TSPAN12: variants seen among roughly 807,000 people sequenced by gnomAD.
The protein encoded by TSPAN12 is tetraspanin-12.
A neutral mutation model predicts 39.2 loss-of-function variants in TSPAN12; 19 were observed. That is an observed-to-expected ratio of 0.49 (90% CI 0.34 to 0.71). The LOEUF is 0.71. TSPAN12 is among the 30% of genes least tolerant of loss of function. The pLI, the probability that TSPAN12 is intolerant of heterozygous loss-of-function variation, is 0.01. For synonymous variants in TSPAN12, 119 were observed against 124.8 expected (o/e 0.95, Z 0.31); for missense variants, 314 against 359.9 (o/e 0.87, Z 1.03).
chr7:120,833,051 C>T (rs1447179991), intron 4 of TSPAN12, among the ~76,000 whole-genome samples: 4 of 152,076 alleles, frequency 2.6e-5, no homozygotes, highest in African/African-American at 9.7e-5. Context: ...CAACTACCAG[C>T]TGTGTATCTT....
chr7:120,815,382 C>G (rs1351482498), intron 5 of TSPAN12, among the ~76,000 whole-genome samples: 2 of 152,138 alleles, frequency 1.3e-5, no homozygotes, highest in African/African-American at 4.8e-5. Context: ...AAGGGACAGA[C>G]TAGGTGGAGG....
At chr7:120,850,887 G>A (rs540728083) in intron 2 of TSPAN12, among the ~76,000 whole-genome samples, 13 of 151,994 alleles carry the variant, frequency 8.6e-5, no homozygotes, top group Middle Eastern at 3.4e-3. Flanking sequence ...ACAGGGTTTC[G>A]CCATTTTGGT....
intron 7 of TSPAN12, among the ~76,000 whole-genome samples, chr7:120,793,389 ACTTGGTGTC>A (rs1793571215): frequency 6.6e-6 from 1 of 152,204 alleles, no homozygotes; most frequent in South Asian, 2.1e-4. Flanking sequence ...CATAGTTGGG[ACTTGGTGTC>A]CTTCCAGATC....
At chr7:120,855,773 GA>G in intron 2 of TSPAN12, among the ~76,000 whole-genome samples, 1 of 152,060 alleles carries the variant, frequency 6.6e-6, no homozygotes, top group Admixed American at 6.5e-5. Context: ...ATAGCCCTAT[GA>G]AAAAAAGGCT....
intron 4 of TSPAN12, among the ~76,000 whole-genome samples, chr7:120,825,011 A>C (rs1472505032): frequency 6.6e-6 from 1 of 152,206 alleles, no homozygotes; most frequent in East Asian, 1.9e-4. Context: ...CATTATCTAA[A>C]GAAAACAAAA....
At chr7:120,802,270 C>T (rs987146133) in intron 7 of TSPAN12, among the ~76,000 whole-genome samples, 14 of 152,222 alleles carry the variant, frequency 9.2e-5, no homozygotes, top group East Asian at 7.7e-4. Context: ...TCAGTAATCA[C>T]GGGCCCAGAC....
intron 4 of TSPAN12, among the ~76,000 whole-genome samples, chr7:120,816,518 T>G (rs1452549126): frequency 1.3e-5 from 2 of 152,100 alleles, no homozygotes; most frequent in African/African-American, 2.4e-5. Flanking sequence ...ATAAAAGCCA[T>G]GAACAAGTGT....
intron 7 of TSPAN12, among the ~76,000 whole-genome samples, chr7:120,799,543 ATTAT>A (rs1467041194): frequency 9.6e-6 from 1 of 103,638 alleles, no homozygotes; most frequent in African/African-American, 4.2e-5. Flanking sequence ...ATTATATATA[ATTAT>A]ATATATAATT....
intron 4 of TSPAN12, among the ~76,000 whole-genome samples, chr7:120,825,073 G>T (rs1794259474): frequency 6.6e-6 from 1 of 152,030 alleles, no homozygotes; most frequent in Non-Finnish European, 1.5e-5. Context: ...TTTCCAAACT[G>T]TTTTTCTATA....
chr7:120,842,843 A>G (rs1171149531), intron 2 of TSPAN12, among the ~76,000 whole-genome samples: 1 of 151,898 alleles, frequency 6.6e-6, no homozygotes, highest in Non-Finnish European at 1.5e-5. Context: ...ACAGATTAAT[A>G]GTAATATTAT....
intron 2 of TSPAN12, among the ~76,000 whole-genome samples, chr7:120,845,761 TTAAC>T (rs1276812004): frequency 6.6e-6 from 1 of 152,208 alleles, no homozygotes; most frequent in Non-Finnish European, 1.5e-5. Flanking sequence ...TCACAACAAT[TTAAC>T]TAGTCTCTAG....
chr7:120,833,065 G>T (rs1244620015), intron 4 of TSPAN12, among the ~76,000 whole-genome samples: 8 of 151,934 alleles, frequency 5.3e-5, no homozygotes, highest in Non-Finnish European at 7.4e-5. Flanking sequence ...GTATCTTTGG[G>T]GATTCTACTT....
intron 7 of TSPAN12, among the ~76,000 whole-genome samples, chr7:120,805,249 T>C (rs545437144): frequency 6.6e-6 from 1 of 152,098 alleles, no homozygotes; most frequent in Non-Finnish European, 1.5e-5. Context: ...TCTATGAATA[T>C]AATGGATCAC....
Position 120,788,116 on chromosome 7 carries a change from G to A in TSPAN12, c.*476C>T, listed in dbSNP as rs766858196. On this transcript the variant is annotated 3_prime_UTR_variant, in exon 8 of 8. Coordinates refer to ENST00000222747, the MANE Select transcript of TSPAN12 (RefSeq NM_012338.4). ...TAGTCACCAATATTGAAAGTTTTCTGATATATAATTTATTTAGCATCAGAA... is the reference window on the plus strand; with the variant it reads ...TAGTCACCAATATTGAAAGTTTTCTAATATATAATTTATTTAGCATCAGAA... The A allele has an allele frequency of 2.4e-5, 4 of 168,714 alleles. No homozygotes were observed. Among genetic ancestry groups the A allele is most frequent in the Non-Finnish European group, 5.1e-5 (4 of 78,090 alleles). The allele number at this position is 168,714 out of a possible 1,614,324, so 10.5% of individuals were successfully genotyped here. A position where few individuals can be genotyped will look rare whatever the true frequency, so the allele number is the denominator to read the frequency against.
At position 120,838,842 on chromosome 7, in the gene TSPAN12, G is replaced by C; in HGVS notation, c.220C>G (p.Leu74Val). 6.2e-7 allele frequency: 1 copy of C among 1,613,902 alleles called. No homozygotes were observed. Among genetic ancestry groups the C allele is most frequent in the Non-Finnish European group, 8.5e-7 (1 of 1,179,912 alleles). ...HPVMIAVCCF[L>V]IIVGMLGYCG... is the part of the protein sequence containing the mutation. Reference sequence around the variant, plus strand: ...TATCCTAACATCCCCACAATGATAAGGAAACAGCAAACAGCAATCATGACC... The same window carrying C: ...TATCCTAACATCCCCACAATGATAACGAAACAGCAAACAGCAATCATGACC... Residue 74 changes from leucine to valine, a missense_variant, in exon 4 of 8, where the codon CTT (leucine) becomes GTT (valine). Coordinates refer to ENST00000222747, the MANE Select transcript of TSPAN12 (RefSeq NM_012338.4).
intron 5 of TSPAN12, among the ~76,000 whole-genome samples, chr7:120,811,944 T>A (rs1460148260): frequency 6.6e-6 from 1 of 152,084 alleles, no homozygotes; most frequent in Non-Finnish European, 1.5e-5. Context: ...ACACATTGGG[T>A]ACAGTGTACA....
At chr7:120,835,629 ATACT>A (rs1457829757) in intron 4 of TSPAN12, among the ~76,000 whole-genome samples, 2 of 152,198 alleles carry the variant, frequency 1.3e-5, no homozygotes, top group African/African-American at 4.8e-5. Context: ...GTCCAATTTT[ATACT>A]CAGCAGAGAG....
intron 4 of TSPAN12, among the ~76,000 whole-genome samples, chr7:120,837,206 A>G (rs1258871217): frequency 6.6e-6 from 1 of 152,212 alleles, no homozygotes; most frequent in Non-Finnish European, 1.5e-5. Flanking sequence ...GCAAAATAAG[A>G]TCCCAAATTT....
chr7:120,788,601 C>T lies in TSPAN12; in HGVS notation c.909G>A (p.Glu303=), dbSNP rs140859970. The part of the protein sequence containing the change: ...ANSFNTHFEM[E]EL ...TCTGTGACATTTCTTTTTATAACTC[C>T]TCCATCTCAAAGTGTGTATTAAAGC... is the stretch of plus-strand genomic sequence containing the variant. The change falls in exon 8 of 8, where the codon GAG becomes GAA. Residue 303 remains glutamate (E), a synonymous_variant. Transcript: ENST00000222747. 14 of 1,613,968 alleles carry T rather than the reference C, an allele frequency of 8.7e-6. No homozygotes were observed. The African/African-American group carries it at 1.7e-4, about 20-fold the overall frequency.
Sources: allele counts gnomAD v4.1 joint callset (sites outside exome capture counted in the v4.1 genomes callset), GRCh38; gene constraint gnomAD v4.1.1; transcripts MANE v1.5; gene names NCBI Gene and HGNC (gene_info 2026-07-23, HGNC 2026-07-21).